ITPK1: variants seen among roughly 807,000 people sequenced by gnomAD.
ITPK1 encodes the protein inositol 1,3,4-trisphosphate 5/6-kinase.
ITPK1 carries 21 observed loss-of-function variants against 45.3 expected under a neutral mutation model. The ratio of observed to expected loss-of-function variants is 0.46; its 90% CI spans 0.33 to 0.67. The LOEUF is 0.67. Ranked by LOEUF, ITPK1 falls within the 30% of genes least tolerant of loss-of-function variation. The pLI is 0.02. For synonymous variants in ITPK1, 258 were observed against 253.6 expected (o/e 1.02, Z -0.16); for missense variants, 474 against 573.5 (o/e 0.83, Z 1.77).
intron 5 of ITPK1, 121 bp from the exon 6 acceptor site, chr14:92,962,970 T>C (rs1885169541): frequency 1.6e-6 from 1 of 613,242 alleles, no homozygotes; most frequent in Admixed American, 3.0e-5. Flanking sequence ...GATCTGACCG[T>C]CCCCAACCTC....
intron 3 of ITPK1, among the ~76,000 whole-genome samples, chr14:93,075,066 C>T (rs1445734937): frequency 7.9e-5 from 12 of 152,210 alleles, no homozygotes; most frequent in East Asian, 7.7e-4. Context: ...TGGCTCACAC[C>T]TGTAATCCCA....
At chr14:93,009,058 A>G (rs1258547161) in intron 4 of ITPK1, among the ~76,000 whole-genome samples, 5 of 151,974 alleles carry the variant, frequency 3.3e-5, no homozygotes, top group African/African-American at 1.2e-4. Flanking sequence ...ACATCTGGAG[A>G]CATTTTTGGT....
intron 5 of ITPK1, among the ~76,000 whole-genome samples, chr14:92,985,828 G>A (rs1437354440): frequency 6.6e-6 from 1 of 152,118 alleles, no homozygotes; most frequent in African/African-American, 2.4e-5. Flanking sequence ...CTGTCTGCCA[G>A]GAGAGCTCCC....
At chr14:93,075,326 C>CAAAAAAAAAAAAAAAAAAA (rs58089863) in intron 3 of ITPK1, among the ~76,000 whole-genome samples, 1 of 53,960 alleles carries the variant, frequency 1.9e-5, no homozygotes, top group Middle Eastern at 0.017. Flanking sequence ...GACTCCTTCT[C>CAAAAAAAAAAAAAAAAAAA]AAAAAAAAAA....
At chr14:93,029,242 G>C (rs1446877074) in intron 3 of ITPK1, among the ~76,000 whole-genome samples, 1 of 152,116 alleles carries the variant, frequency 6.6e-6, no homozygotes, top group Non-Finnish European at 1.5e-5. Flanking sequence ...GCAGGCCCAT[G>C]TTTTCTTACC....
intron 7 of ITPK1, among the ~76,000 whole-genome samples, chr14:92,960,775 G>A (rs930333337): frequency 2.6e-5 from 4 of 152,238 alleles, no homozygotes; most frequent in Non-Finnish European, 5.9e-5. Context: ...GCTGAGGGGG[G>A]CCTGGGGACC....
At chr14:93,004,745 G>A (rs1469328073) in intron 4 of ITPK1, among the ~76,000 whole-genome samples, 1 of 152,058 alleles carries the variant, frequency 6.6e-6, no homozygotes, top group African/African-American at 2.4e-5. Context: ...AGAGGCGTGG[G>A]GCTGACCAGC....
intron 5 of ITPK1, among the ~76,000 whole-genome samples, chr14:92,989,087 C>A (rs1886648568): frequency 6.6e-6 from 1 of 152,192 alleles, no homozygotes; most frequent in Non-Finnish European, 1.5e-5. Flanking sequence ...ACACCCACCC[C>A]CAAGGCAAAA....
intron 2 of ITPK1, among the ~76,000 whole-genome samples, chr14:93,092,362 C>T (rs1891898277): frequency 6.6e-6 from 1 of 152,188 alleles, no homozygotes; most frequent in Admixed American, 6.5e-5. Context: ...ACCACGGAAG[C>T]CTGGAGCAGG....
At chr14:93,020,424 T>C (rs1474521694) in intron 3 of ITPK1, among the ~76,000 whole-genome samples, 2 of 152,190 alleles carry the variant, frequency 1.3e-5, no homozygotes, top group African/African-American at 2.4e-5. Context: ...GTACCTCAGT[T>C]TCCCCAGTCA....
chr14:92,998,316 A>AC (rs1401463452), intron 4 of ITPK1, among the ~76,000 whole-genome samples: 4 of 152,082 alleles, frequency 2.6e-5, no homozygotes, highest in Non-Finnish European at 5.9e-5. Context: ...TGTGCAGCCG[A>AC]CCCCAGAGGA....
intron 2 of ITPK1, among the ~76,000 whole-genome samples, chr14:93,101,464 C>T (rs1484367953): frequency 6.6e-6 from 1 of 152,164 alleles, no homozygotes; most frequent in African/African-American, 2.4e-5. Flanking sequence ...TGTGCTGACC[C>T]CCTCCTATGC....
rs778453920 is a variant in ITPK1 at position 93,076,607 on chromosome 14, C to G, written c.108G>C (p.Met36Ile). 1.2e-6 allele frequency: 2 copies of G among 1,614,080 alleles called. No homozygotes were observed. The highest frequency in any genetic ancestry group is 1.7e-6 in the Non-Finnish European group (2 of 1,180,032). Reference protein sequence around the residue: ...AFAELCRKRGMEVVQLNLSRP... With the variant: ...AFAELCRKRGIEVVQLNLSRP... Reference sequence around the variant, plus strand: ...GGTCTGTACTCACCTGCACAACCTCCATCCCTCGCTTCCTGTGGAGAAAAA... The same window carrying G: ...GGTCTGTACTCACCTGCACAACCTCGATCCCTCGCTTCCTGTGGAGAAAAA... Residue 36 changes from methionine to isoleucine, a missense_variant, in exon 3 of 11, where the codon ATG becomes ATC. Coordinates refer to ENST00000267615, the MANE Select transcript of ITPK1 (RefSeq NM_014216.6). The surrounding 1 kb of genome is among the most constrained non-coding windows in gnomAD (Gnocchi z 4.3).
At chr14:93,066,467 C>CG (rs1311772962) in intron 3 of ITPK1, 1 of 321,126 alleles carries the variant, frequency 3.1e-6, no homozygotes, top group Non-Finnish European at 6.1e-6. Flanking sequence ...TTCAGTGGCG[C>CG]GATCTCGGCT....
At position 93,015,342 on chromosome 14, in the gene ITPK1, G is replaced by C. The variant is rs75980157; in HGVS notation, c.246+1334C>G. On this transcript the variant is annotated intron_variant, in intron 4 of 10. Transcript: ENST00000267615. ...GATCAAATGTAGCACATGGGTGAGT[G>C]CTGATCAGCCCAGCCCTGGCACAGG... Among the ~76,000 whole-genome samples, 1,501 of 152,300 alleles carry C rather than the reference G, an allele frequency of 9.9e-3. 11 individuals carry two copies. Among genetic ancestry groups the C allele is most frequent in the Non-Finnish European group, 0.014 (942 of 68,022 alleles).
At chr14:92,948,866 C>T (rs373845677) in intron 9 of ITPK1, among the ~76,000 whole-genome samples, 127 of 101,028 alleles carry the variant, frequency 1.3e-3, no homozygotes, top group Non-Finnish European at 1.6e-3. Flanking sequence ...GCCCACGCTC[C>T]GAGGGACCCA....
chr14:93,062,245 T>C (rs1313051168), intron 3 of ITPK1, among the ~76,000 whole-genome samples: 1 of 151,100 alleles, frequency 6.6e-6, no homozygotes, highest in Non-Finnish European at 1.5e-5. Context: ...CACTCCAGCC[T>C]GGGCGACAGA....
chr14:93,022,337 C>T (rs765392788), intron 3 of ITPK1, among the ~76,000 whole-genome samples: 59 of 152,108 alleles, frequency 3.9e-4, no homozygotes, highest in Non-Finnish European at 6.8e-4. Context: ...TGTGTGAAAA[C>T]GGGGTGCTGG....
At chr14:92,945,951 A>G (rs913811503) in intron 10 of ITPK1, among the ~76,000 whole-genome samples, 2 of 152,110 alleles carry the variant, frequency 1.3e-5, no homozygotes, top group Non-Finnish European at 2.9e-5. Context: ...CCTCCTCTCT[A>G]GGGCCTCAGT....
Sources: gnomAD v4.1 joint callset for allele counts (sites outside exome capture counted in the v4.1 genomes callset) on GRCh38, gnomAD v4.1.1 for gene constraint, Gnocchi (gnomAD v3.1) non-coding constraint, MANE v1.5 for transcripts, NCBI Gene and HGNC (gene_info 2026-07-23, HGNC 2026-07-21) for gene names.